Variants in MYOM2 observed in about 807,000 individuals in gnomAD.
The protein encoded by MYOM2 is myomesin 2.
Under a neutral mutation model 187.6 loss-of-function variants are expected in MYOM2, and 254 were observed. The observed-to-expected ratio is 1.35, with a 90% CI of 1.22 to 1.50. The LOEUF is 1.50. Among genes scored for constraint, MYOM2 ranks in the 40% most tolerant of loss-of-function variants. MYOM2 has a pLI of 0.00. For synonymous variants in MYOM2, 981 were observed against 753.8 expected, an observed-to-expected ratio of 1.30 and a Z score of -4.94; for missense variants, 2,796 against 1,924.0, an observed-to-expected ratio of 1.45 and a Z score of -8.48.
intron 25 of MYOM2, among the ~76,000 whole-genome samples, chr8:2,111,597 A>G (rs998990341): frequency 3.3e-5 from 5 of 152,210 alleles, no homozygotes; most frequent in Admixed American, 3.3e-4. Context: ...ATTCGGAAGT[A>G]AACACTCCAC....
intron 13 of MYOM2, among the ~76,000 whole-genome samples, chr8:2,080,572 G>T (rs1352854244): frequency 6.6e-6 from 1 of 152,216 alleles, no homozygotes; most frequent in East Asian, 1.9e-4. Context: ...TAGAACTCAG[G>T]AAGGACACTC....
intron 17 of MYOM2, among the ~76,000 whole-genome samples, chr8:2,094,685 T>G (rs574477038): frequency 5.9e-5 from 9 of 152,348 alleles, no homozygotes; most frequent in Non-Finnish European, 1.0e-4. Flanking sequence ...GATACATTTC[T>G]CTTTTCAAAA....
chr8:2,121,064 T>C (rs1797437340), intron 28 of MYOM2, among the ~76,000 whole-genome samples: 1 of 152,034 alleles, frequency 6.6e-6, no homozygotes, highest in South Asian at 2.1e-4. Flanking sequence ...TAATGGACAT[T>C]TAAAGGGAAG....
chr8:2,100,245 T>C (rs948521930), intron 19 of MYOM2, among the ~76,000 whole-genome samples: 2 of 151,194 alleles, frequency 1.3e-5, no homozygotes, highest in African/African-American at 4.9e-5. Context: ...TTAATGAAAT[T>C]AAATTTTGGA....
At chr8:2,074,934 C>T (rs193005290) in intron 10 of MYOM2, among the ~76,000 whole-genome samples, 301 of 152,322 alleles carry the variant, frequency 2.0e-3, no homozygotes, top group African/African-American at 6.7e-3. Context: ...TCCCCGGGCT[C>T]CCGGCTCCAT....
In MYOM2 at chr8:2,085,252, T is replaced by A; in HGVS notation, c.1517-11T>A. The A allele has an allele frequency of 1.2e-6, 2 of 1,613,602 alleles. No individual in the cohort carries two copies. Among genetic ancestry groups the A allele is most frequent in the South Asian group, 2.2e-5 (2 of 91,026 alleles). On this transcript the variant is annotated splice_polypyrimidine_tract_variant and intron_variant, in intron 13 of 36. Coordinates refer to ENST00000262113, the MANE Select transcript of MYOM2 (RefSeq NM_003970.4). ...GTCCTTCAGCACTCACCGAATTTATTATTCCTCCAGGTGACGCCCAGGTTC... is the reference window on the plus strand; with the variant it reads ...GTCCTTCAGCACTCACCGAATTTATAATTCCTCCAGGTGACGCCCAGGTTC...
At chr8:2,072,970 T>A (rs1819285730) in intron 9 of MYOM2, among the ~76,000 whole-genome samples, 1 of 152,190 alleles carries the variant, frequency 6.6e-6, no homozygotes, top group South Asian at 2.1e-4. Flanking sequence ...AGTAGCCCCT[T>A]CAGCTGCACA....
intron 27 of MYOM2, among the ~76,000 whole-genome samples, chr8:2,117,102 G>C (rs1045868225): frequency 6.6e-6 from 1 of 152,118 alleles, no homozygotes. Context: ...TGAACTTCTT[G>C]AGAAAAATTA....
At chr8:2,100,078 TTTC>T (rs1447354219) in intron 19 of MYOM2, among the ~76,000 whole-genome samples, 3 of 57,872 alleles carry the variant, frequency 5.2e-5, no homozygotes, top group Non-Finnish European at 1.3e-4. Flanking sequence ...CTTTCCTTCC[TTTC>T]TTCTTTCCTT....
chr8:2,089,916 G>A, intron 14 of MYOM2, 92 bp from the exon 15 acceptor site: 1 of 1,262,160 alleles, frequency 7.9e-7, no homozygotes, highest in Non-Finnish European at 1.1e-6. Flanking sequence ...GTGGTCCTGG[G>A]ATAGCGAGAA....
intron 32 of MYOM2, among the ~76,000 whole-genome samples, chr8:2,131,177 G>A (rs1195124040): frequency 6.6e-6 from 1 of 152,162 alleles, no homozygotes; most frequent in South Asian, 2.1e-4. Context: ...GGAAGTGTGT[G>A]TAGATGTAGG....
chr8:2,110,919 C>T (rs1192599282), intron 25 of MYOM2, among the ~76,000 whole-genome samples: 1 of 152,230 alleles, frequency 6.6e-6, no homozygotes, highest in Non-Finnish European at 1.5e-5. Flanking sequence ...TTAAGACTCA[C>T]TCCTACGTGG....
Position 2,076,282 on chromosome 8 carries a change from G to A in MYOM2, c.1262G>A (p.Arg421Gln), listed in dbSNP as rs536708249. 5.3e-5 allele frequency: 85 copies of A among 1,613,110 alleles called. No individual in the cohort carries two copies. Among genetic ancestry groups the A allele is most frequent in the Non-Finnish European group, 7.0e-5 (83 of 1,179,768 alleles). Reference protein sequence around the residue: ...ESPVMGYFVDRCEVGTNNWVQ... With the variant: ...ESPVMGYFVDQCEVGTNNWVQ... Reference sequence around the variant, plus strand: ...CCCGTCATGGGCTATTTTGTGGACCGGTGAGCGTCTTGCATTCTCCCGGGG... The same window carrying A: ...CCCGTCATGGGCTATTTTGTGGACCAGTGAGCGTCTTGCATTCTCCCGGGG... Residue 421 changes from arginine (R) to glutamine (Q), a missense_variant and splice_region_variant, in exon 11 of 37, where the codon CGA (arginine) becomes CAA (glutamine). By Grantham distance (43) the Arg-to-Gln change is conservative. Coordinates refer to ENST00000262113, the MANE Select transcript of MYOM2 (RefSeq NM_003970.4).
At chr8:2,059,357 C>A (rs1330385861) in intron 6 of MYOM2, 112 bp downstream of exon 6, 21 of 817,742 alleles carry the variant, frequency 2.6e-5, no homozygotes, top group Non-Finnish European at 3.7e-5. Context: ...TCTGTTTGCA[C>A]CCCGGGTGAC....
At chr8:2,059,812 G>A (rs1455029896) in intron 6 of MYOM2, among the ~76,000 whole-genome samples, 1 of 147,418 alleles carries the variant, frequency 6.8e-6, no homozygotes, top group Non-Finnish European at 1.5e-5. Context: ...GCATGGTCTC[G>A]GCTCACCACA....
At chr8:2,143,494 C>T (rs1798351306) in intron 36 of MYOM2, 38 bp downstream of exon 36, 2 of 1,612,528 alleles carry the variant, frequency 1.2e-6, no homozygotes, top group Non-Finnish European at 8.5e-7. Context: ...GGGGTGTCAG[C>T]ACGGTGCGAT....
At chr8:2,135,499 C>T (rs955549251) in intron 32 of MYOM2, among the ~76,000 whole-genome samples, 2 of 152,110 alleles carry the variant, frequency 1.3e-5, no homozygotes, top group African/African-American at 4.8e-5. Flanking sequence ...ACCTTCTCTC[C>T]TCCTCCCTGC....
intron 31 of MYOM2, among the ~76,000 whole-genome samples, chr8:2,127,100 G>C (rs945809918): frequency 6.6e-6 from 1 of 151,876 alleles, no homozygotes; most frequent in African/African-American, 2.4e-5. Context: ...GGTGGTGTTG[G>C]TCTCATGAGT....
chr8:2,090,802 T>C (rs1796275655), intron 15 of MYOM2, among the ~76,000 whole-genome samples: 1 of 152,228 alleles, frequency 6.6e-6, no homozygotes, highest in Non-Finnish European at 1.5e-5. Context: ...CGTGGTCTTG[T>C]TCTTTTTTAT....
Sources: gnomAD v4.1 joint callset for allele counts (sites outside exome capture counted in the v4.1 genomes callset) on GRCh38, gnomAD v4.1.1 for gene constraint, MANE v1.5 for transcripts, NCBI Gene and HGNC (gene_info 2026-07-23, HGNC 2026-07-21) for gene names.